The following SLIT2 variants were observed in gnomAD, a reference collection of about 807,000 sequenced individuals.
SLIT2 encodes slit homolog 2 protein.
SLIT2 carries 41 observed loss-of-function variants against 185.7 expected under a neutral mutation model. The ratio of observed to expected loss-of-function variants is 0.22; its 90% CI spans 0.17 to 0.29. The LOEUF (loss-of-function observed/expected upper bound fraction) is 0.29. SLIT2 is among the 10% of genes least tolerant of loss of function. SLIT2 has a pLI of 1.00. For synonymous variants in SLIT2, 693 were observed against 680.2 expected (o/e 1.02, Z -0.29); for missense variants, 1,571 against 1,909.0 (o/e 0.82, Z 3.30).
At chr4:20,420,827 A>G (rs944307708) in intron 4 of SLIT2, among the ~76,000 whole-genome samples, 3 of 152,106 alleles carry the variant, frequency 2.0e-5, no homozygotes, top group Non-Finnish European at 2.9e-5. Flanking sequence ...CGATGTCTTT[A>G]TAAGAGGAGA....
At chr4:20,616,594 A>G (rs911903753) in intron 34 of SLIT2, 1 of 215,274 alleles carries the variant, frequency 4.6e-6, no homozygotes, top group African/African-American at 2.3e-5. Context: ...CTTTAAGGAC[A>G]GTAGCTCTGC....
chr4:20,325,548 T>C (rs1719504984), intron 4 of SLIT2, among the ~76,000 whole-genome samples: 1 of 152,044 alleles, frequency 6.6e-6, no homozygotes, highest in East Asian at 1.9e-4. Context: ...ACACCATTCA[T>C]TCTTATATTC....
intron 4 of SLIT2, among the ~76,000 whole-genome samples, chr4:20,412,927 T>A (rs1727371520): frequency 6.6e-6 from 1 of 152,134 alleles, no homozygotes. Flanking sequence ...TTCTTCTTTT[T>A]CAAGTTTGTT....
intron 20 of SLIT2, 30 bp downstream of exon 20, chr4:20,541,649 T>G (rs1395237524): frequency 1.9e-6 from 3 of 1,598,154 alleles, no homozygotes; most frequent in Middle Eastern, 3.3e-4. Flanking sequence ...TCTTTGATTG[T>G]CAGGCATTCA....
At chr4:20,545,837 T>A (rs1324937384) in intron 21 of SLIT2, among the ~76,000 whole-genome samples, 194 bp from the exon 22 acceptor site, 1 of 151,438 alleles carries the variant, frequency 6.6e-6, no homozygotes, top group Non-Finnish European at 1.5e-5. Context: ...CACAAAGAAC[T>A]GGACTCGTGG....
At chr4:20,547,983 G>A (rs1723402626) in intron 22 of SLIT2, among the ~76,000 whole-genome samples, 1 of 152,030 alleles carries the variant, frequency 6.6e-6, no homozygotes, top group South Asian at 2.1e-4. Flanking sequence ...TAATTAATCA[G>A]GGGTTCTTTC....
chr4:20,294,524 C>G (rs549966648), intron 4 of SLIT2, among the ~76,000 whole-genome samples: 21 of 152,242 alleles, frequency 1.4e-4, no homozygotes, highest in African/African-American at 4.8e-4. Context: ...AGTTTCTCCC[C>G]CATAAATTCT....
chr4:20,618,023 T>C (rs1409871523), intron 36 of SLIT2, among the ~76,000 whole-genome samples: 3 of 152,228 alleles, frequency 2.0e-5, no homozygotes, highest in Non-Finnish European at 4.4e-5. Flanking sequence ...GTATATATTA[T>C]TAATTCATCT....
intron 4 of SLIT2, among the ~76,000 whole-genome samples, chr4:20,423,038 GCTATCCCAATCTCTA>G (rs1728283567): frequency 6.6e-6 from 1 of 151,862 alleles, no homozygotes; most frequent in South Asian, 2.1e-4. Flanking sequence ...CTATGACATC[GCTATCCCAATCTCTA>G]CTATGCTTGT....
intron 4 of SLIT2, among the ~76,000 whole-genome samples, chr4:20,409,603 G>A (rs528242548): frequency 6.6e-6 from 1 of 152,080 alleles, no homozygotes; most frequent in African/African-American, 2.4e-5. Flanking sequence ...GGGATTTCTG[G>A]GTCAAATGGT....
chr4:20,333,231 A>G (rs1720217484), intron 4 of SLIT2, among the ~76,000 whole-genome samples: 1 of 152,166 alleles, frequency 6.6e-6, no homozygotes, highest in Admixed American at 6.6e-5. Context: ...CTAATAATTG[A>G]CTGAGACACC....
chr4:20,458,894 G>A (rs1391565615), intron 4 of SLIT2, among the ~76,000 whole-genome samples: 1 of 152,162 alleles, frequency 6.6e-6, no homozygotes, highest in Non-Finnish European at 1.5e-5. Context: ...GTTAGTAGTT[G>A]CTCAATAAAT....
intron 4 of SLIT2, among the ~76,000 whole-genome samples, chr4:20,442,216 C>T (rs892035121): frequency 6.6e-6 from 1 of 151,920 alleles, no homozygotes; most frequent in Non-Finnish European, 1.5e-5. Flanking sequence ...AGGCAGAGTG[C>T]GTTTAGAAAG....
At chr4:20,363,091 C>T (rs1000373943) in intron 4 of SLIT2, among the ~76,000 whole-genome samples, 15 of 152,042 alleles carry the variant, frequency 9.9e-5, no homozygotes, top group South Asian at 4.1e-4. Context: ...CTGGATTCTG[C>T]TTCTTATACC....
rs556556595 is a variant in SLIT2 at position 20,409,170 on chromosome 4, G to C, written c.396-58582G>C. Among the ~76,000 whole-genome samples the C allele has an allele frequency of 3.9e-5, 6 of 152,198 alleles. No individual in the cohort carries two copies. In the East Asian group the frequency reaches 5.8e-4, roughly 15 times the overall value. Reference sequence around the variant, plus strand: ...GCTGCAGAGATCATCCCATCATCTAGATATTAAGCCCAGTATCCATTAGCT... The same window carrying C: ...GCTGCAGAGATCATCCCATCATCTACATATTAAGCCCAGTATCCATTAGCT... On this transcript the variant is annotated intron_variant, in intron 4 of 36. Transcript: ENST00000504154.
intron 11 of SLIT2, among the ~76,000 whole-genome samples, chr4:20,517,585 T>G (rs1720328579): frequency 6.6e-6 from 1 of 152,194 alleles, no homozygotes; most frequent in African/African-American, 2.4e-5. Context: ...TGATGTACTT[T>G]TCTAAAGAAA....
intron 5 of SLIT2, among the ~76,000 whole-genome samples, chr4:20,479,391 G>A (rs1716462600): frequency 6.6e-6 from 1 of 152,044 alleles, no homozygotes; most frequent in South Asian, 2.1e-4. Context: ...CCTCAAATAT[G>A]AATTAGCCCT....
In SLIT2 at chr4:20,286,371, G is replaced by A. The variant is rs79439241; in HGVS notation, c.395+17490G>A. On this transcript the variant is annotated intron_variant, in intron 4 of 36. Coordinates refer to ENST00000504154, the MANE Select transcript of SLIT2 (RefSeq NM_004787.4). ...TTCCTTAGCTCCACTTTCAACTTCT[G>A]TCAGTTCTACCTCCACAGTTGGTTC... Among the ~76,000 whole-genome samples, 92 of 152,152 alleles carry A rather than the reference G, an allele frequency of 6.0e-4. No homozygotes were observed. In the East Asian group the frequency reaches 0.017, roughly 28 times the overall value.
intron 4 of SLIT2, among the ~76,000 whole-genome samples, chr4:20,311,980 T>C (rs911396841): frequency 1.3e-5 from 2 of 152,192 alleles, no homozygotes; most frequent in Admixed American, 1.3e-4. Context: ...AATAATGGTG[T>C]TTAGCCACAA....
Sources: allele counts gnomAD v4.1 joint callset (sites outside exome capture counted in the v4.1 genomes callset), GRCh38; gene constraint gnomAD v4.1.1; transcripts MANE v1.5; gene names NCBI Gene and HGNC (gene_info 2026-07-23, HGNC 2026-07-21).